GLIS3: variants seen among roughly 807,000 people sequenced by gnomAD.
GLIS3 encodes GLIS family zinc finger 3, also known as zinc finger protein GLIS3.
In GLIS3, 53 loss-of-function variants were observed where a neutral mutation model predicts 78.6. That is an observed-to-expected ratio of 0.67 (90% CI 0.54 to 0.85). GLIS3 has a LOEUF of 0.85. GLIS3 is among the 40% of genes least tolerant of loss of function. The pLI is 0.00. For synonymous variants in GLIS3, 684 were observed against 509.9 expected (o/e 1.34, Z -4.60); for missense variants, 1,703 against 1,231.1 (o/e 1.38, Z -5.74).
intron 2 of GLIS3, among the ~76,000 whole-genome samples, chr9:4,130,631 T>C (rs1008201128): frequency 1.3e-5 from 2 of 152,024 alleles, no homozygotes; most frequent in Non-Finnish European, 2.9e-5. Context: ...AATGCAAGAG[T>C]TGAGGCTTGG....
intron 4 of GLIS3, among the ~76,000 whole-genome samples, chr9:3,978,088 T>C (rs1307033672): frequency 4.0e-5 from 6 of 151,718 alleles, no homozygotes; most frequent in Non-Finnish European, 8.8e-5. Flanking sequence ...AGGACTCAAT[T>C]TGGGATGAAG....
intron 8 of GLIS3, among the ~76,000 whole-genome samples, chr9:3,860,323 C>T (rs1346999223): frequency 1.1e-5 from 1 of 90,828 alleles, no homozygotes; most frequent in Non-Finnish European, 2.3e-5. Context: ...GATGAGGAAA[C>T]ATTTAAAACA....
At chr9:4,151,583 C>A (rs1433678591) in intron 2 of GLIS3, among the ~76,000 whole-genome samples, 1 of 152,136 alleles carries the variant, frequency 6.6e-6, no homozygotes, top group Non-Finnish European at 1.5e-5. Flanking sequence ...GGCTCTAAGG[C>A]TATTATTTCT....
chr9:4,285,782 T>C, intron 2 of GLIS3: 1 of 496,548 alleles, frequency 2.0e-6, no homozygotes, highest in Non-Finnish European at 3.6e-6. Flanking sequence ...CCTCCCTATT[T>C]TTTATCTTTC....
intron 4 of GLIS3, among the ~76,000 whole-genome samples, chr9:3,957,308 GT>G (rs1455006549): frequency 6.6e-6 from 1 of 152,208 alleles, no homozygotes. Context: ...CACTTCCCCA[GT>G]TTGGCTGCCT....
At chr9:4,279,750 A>C (rs1208869368) in intron 2 of GLIS3, among the ~76,000 whole-genome samples, 1 of 152,120 alleles carries the variant, frequency 6.6e-6, no homozygotes, top group Non-Finnish European at 1.5e-5. Flanking sequence ...TAATTTTAAA[A>C]TACTGATACT....
At position 3,958,901 on chromosome 9, in the gene GLIS3, A is replaced by G. The variant is rs370249132; in HGVS notation, c.1711-21712T>C. The stretch of plus-strand genomic sequence containing the variant: ...AGACAACGTGCTGTCGGAGGAAGCC[A>G]TAAGAGAATAGCAAGAACTTCTTGC... On this transcript the variant is annotated intron_variant, in intron 4 of 10. Transcript: ENST00000381971. Among the ~76,000 whole-genome samples, 15 of 152,348 alleles carry G rather than the reference A, an allele frequency of 9.8e-5. No homozygotes were observed. In the East Asian group the frequency reaches 1.7e-3, roughly 18 times the overall value.
intron 2 of GLIS3, among the ~76,000 whole-genome samples, chr9:4,195,511 C>T (rs367605705): frequency 1.8e-4 from 27 of 152,360 alleles, no homozygotes; most frequent in African/African-American, 5.3e-4. Context: ...CTCGAATTCT[C>T]GCCGGGCCTC....
intron 2 of GLIS3, among the ~76,000 whole-genome samples, chr9:4,278,617 A>G (rs544569177): frequency 6.6e-6 from 1 of 152,374 alleles, no homozygotes; most frequent in East Asian, 1.9e-4. Flanking sequence ...GAAGAATACC[A>G]GCTAATAAAC....
chr9:4,219,255 A>G (rs572237646), intron 2 of GLIS3, among the ~76,000 whole-genome samples: 1 of 152,352 alleles, frequency 6.6e-6, no homozygotes, highest in East Asian at 1.9e-4. Flanking sequence ...CATCAAGTAC[A>G]TAGGCTAGAG....
intron 2 of GLIS3, among the ~76,000 whole-genome samples, chr9:4,252,134 G>C (rs540243916): frequency 9.9e-5 from 15 of 152,260 alleles, no homozygotes; most frequent in Middle Eastern, 6.8e-3. Context: ...TGTATTTCCA[G>C]AATTTGAATG....
At chr9:4,092,464 A>G (rs1336020757) in intron 4 of GLIS3, among the ~76,000 whole-genome samples, 1 of 152,210 alleles carries the variant, frequency 6.6e-6, no homozygotes, top group Non-Finnish European at 1.5e-5. Flanking sequence ...AGTTTACAAC[A>G]CAAACACACT....
chr9:4,238,447 C>T (rs1006675365), intron 2 of GLIS3, among the ~76,000 whole-genome samples: 1 of 152,142 alleles, frequency 6.6e-6, no homozygotes, highest in African/African-American at 2.4e-5. Context: ...TTCTAACTTC[C>T]TTCCTGAAAT....
At chr9:4,020,119 G>A (rs1315219053) in intron 4 of GLIS3, among the ~76,000 whole-genome samples, 3 of 152,112 alleles carry the variant, frequency 2.0e-5, no homozygotes, top group African/African-American at 4.8e-5. Flanking sequence ...AGCCTTGAAG[G>A]AGGTGAGAGA....
chr9:3,913,175 T>C (rs1201092153), intron 6 of GLIS3, among the ~76,000 whole-genome samples: 1 of 152,206 alleles, frequency 6.6e-6, no homozygotes, highest in Admixed American at 6.5e-5. Flanking sequence ...GATCTCATTT[T>C]CTTCTGCCTT....
At chr9:4,388,519 T>C in the GLIS3 span, among the ~76,000 whole-genome samples, 3 of 151,442 alleles carry the variant, frequency 2.0e-5, no homozygotes, top group African/African-American at 7.3e-5. Flanking sequence ...CTACTAAAAA[T>C]ACAAAAATTA....
At chr9:4,084,428 T>C (rs997500712) in intron 4 of GLIS3, among the ~76,000 whole-genome samples, 5 of 152,068 alleles carry the variant, frequency 3.3e-5, no homozygotes, top group African/African-American at 4.8e-5. Flanking sequence ...TTGCTAATGC[T>C]ATCAAGCCAA....
chr9:3,882,206 G>T (rs960592474), intron 7 of GLIS3, among the ~76,000 whole-genome samples: 1 of 144,942 alleles, frequency 6.9e-6, no homozygotes, highest in African/African-American at 2.6e-5. Flanking sequence ...AGTAAACAAA[G>T]ATGAACAAGA....
chr9:4,418,386 G>C, the GLIS3 span, among the ~76,000 whole-genome samples: 2 of 152,190 alleles, frequency 1.3e-5, no homozygotes, highest in Non-Finnish European at 2.9e-5. Context: ...GTTAAAATTC[G>C]GATGTTACAG....
Sources: allele counts gnomAD v4.1 joint callset (sites outside exome capture counted in the v4.1 genomes callset), GRCh38; gene constraint gnomAD v4.1.1; transcripts MANE v1.5; gene names NCBI Gene and HGNC (gene_info 2026-07-23, HGNC 2026-07-21).